Variants in LINGO2 observed in about 807,000 individuals in gnomAD.
LINGO2 encodes leucine-rich repeat and immunoglobulin-like domain-containing nogo receptor-interacting protein 2.
Under a neutral mutation model 30.6 loss-of-function variants are expected in LINGO2, and 14 were observed. The ratio of observed to expected loss-of-function variants is 0.46; its 90% CI spans 0.30 to 0.72. LINGO2 has a LOEUF of 0.72. Among genes scored for constraint, LINGO2 ranks in the 30% least tolerant of loss-of-function variants. The pLI, the probability that LINGO2 is intolerant of heterozygous loss-of-function variation, is 0.07. For synonymous variants in LINGO2, 317 were observed against 288.5 expected, an observed-to-expected ratio of 1.10 and a Z score of -1.00; for missense variants, 729 against 751.7, an observed-to-expected ratio of 0.97 and a Z score of 0.35.
intron 4 of LINGO2, among the ~76,000 whole-genome samples, chr9:28,100,207 T>C (rs1826368730): frequency 6.6e-6 from 1 of 152,174 alleles, no homozygotes; most frequent in South Asian, 2.1e-4. Context: ...CATAAAATCA[T>C]GAATAAAATC....
intron 4 of LINGO2, among the ~76,000 whole-genome samples, chr9:28,068,070 C>T (rs1825366024): frequency 6.6e-6 from 1 of 152,142 alleles, no homozygotes; most frequent in Non-Finnish European, 1.5e-5. Context: ...TCTCTGTCTT[C>T]TCTACAGTGC....
the LINGO2 span, among the ~76,000 whole-genome samples, chr9:28,852,321 CTT>C: frequency 1.3e-5 from 2 of 151,916 alleles, no homozygotes; most frequent in Non-Finnish European, 2.9e-5. Flanking sequence ...TTCATAAACT[CTT>C]AGTATTACAG....
intron 3 of LINGO2, among the ~76,000 whole-genome samples, chr9:28,318,592 T>TA (rs1179724602): frequency 2.0e-5 from 3 of 151,802 alleles, no homozygotes; most frequent in Non-Finnish European, 4.4e-5. Context: ...TTCACAACTA[T>TA]AAAAAAAACA....
At chr9:29,078,198 G>A in the LINGO2 span, among the ~76,000 whole-genome samples, 85 of 151,968 alleles carry the variant, frequency 5.6e-4, no homozygotes, top group Non-Finnish European at 9.0e-4. Context: ...GAACCTGTAG[G>A]GTAAAACCAT....
intron 1 of LINGO2, among the ~76,000 whole-genome samples, chr9:28,611,925 A>G (rs1212703679): frequency 6.6e-6 from 1 of 151,956 alleles, no homozygotes; most frequent in East Asian, 1.9e-4. Context: ...GGTTCACACC[A>G]TTCTCCTGCC....
In LINGO2 at chr9:28,526,322, A is replaced by T. The variant is rs572008655; in HGVS notation, c.-364-50297T>A. 5.7e-4 allele frequency among the ~76,000 whole-genome samples: 87 copies of T among 152,250 alleles called. 2 individuals carry two copies. Among genetic ancestry groups the T allele is most frequent in the African/African-American group, 2.0e-3 (84 of 41,542 alleles). Reference sequence around the variant, plus strand: ...ATAAACTGCTTTACAACAGATAGAAAAGCAGGTTTGCATCAGGCTTCTCAA... The same window carrying T: ...ATAAACTGCTTTACAACAGATAGAATAGCAGGTTTGCATCAGGCTTCTCAA... On this transcript the variant is annotated intron_variant, in intron 1 of 5. Transcript: ENST00000379992.
chr9:28,169,503 T>C (rs1480628317), intron 4 of LINGO2, among the ~76,000 whole-genome samples: 1 of 152,242 alleles, frequency 6.6e-6, no homozygotes, highest in African/African-American at 2.4e-5. Flanking sequence ...AGTCTAACTT[T>C]ATTCTTTAAA....
At chr9:28,589,798 C>A (rs1285943094) in intron 1 of LINGO2, among the ~76,000 whole-genome samples, 1 of 152,002 alleles carries the variant, frequency 6.6e-6, no homozygotes, top group Non-Finnish European at 1.5e-5. Flanking sequence ...TTGGAAAAAA[C>A]TACTTTAAAG....
At chr9:29,127,148 T>C in the LINGO2 span, among the ~76,000 whole-genome samples, 2 of 152,150 alleles carry the variant, frequency 1.3e-5, no homozygotes, top group Admixed American at 1.3e-4. Flanking sequence ...AGAGAGTATT[T>C]AAGCCCCAGA....
intron 5 of LINGO2, among the ~76,000 whole-genome samples, chr9:27,997,797 C>A (rs1266049427): frequency 6.6e-6 from 1 of 152,114 alleles, no homozygotes. Context: ...AAAGCAAGTT[C>A]AATGCTAATT....
intron 4 of LINGO2, among the ~76,000 whole-genome samples, chr9:28,179,448 C>CT (rs1167997071): frequency 1.5e-5 from 2 of 134,416 alleles, no homozygotes; most frequent in African/African-American, 2.8e-5. Flanking sequence ...ATATAGTATA[C>CT]ATATACTATA....
chr9:28,815,779 T>A, the LINGO2 span, among the ~76,000 whole-genome samples: 2 of 152,178 alleles, frequency 1.3e-5, no homozygotes. Flanking sequence ...AAGTGATTAA[T>A]CGCATGTTAT....
chr9:28,042,593 A>T (rs190758526), intron 4 of LINGO2, among the ~76,000 whole-genome samples: 17 of 152,298 alleles, frequency 1.1e-4, no homozygotes, highest in African/African-American at 4.1e-4. Flanking sequence ...AGAAAGGTAC[A>T]AATTCAAGAG....
chr9:28,187,468 T>A (rs1041780752), intron 4 of LINGO2, among the ~76,000 whole-genome samples: 2 of 143,324 alleles, frequency 1.4e-5, no homozygotes, highest in Non-Finnish European at 3.0e-5. Context: ...CCAACCTGAG[T>A]GACAGAGCGA....
the LINGO2 span, among the ~76,000 whole-genome samples, chr9:29,015,242 C>T: frequency 6.6e-6 from 1 of 152,246 alleles, no homozygotes; most frequent in African/African-American, 2.4e-5. Context: ...GACTTGACTT[C>T]ACCACTACAC....
At chr9:28,538,395 G>T (rs1821525554) in intron 1 of LINGO2, among the ~76,000 whole-genome samples, 1 of 151,970 alleles carries the variant, frequency 6.6e-6, no homozygotes, top group Non-Finnish European at 1.5e-5. Context: ...TTTGGAAGAG[G>T]TTGATAGAGA....
the LINGO2 span, among the ~76,000 whole-genome samples, chr9:29,005,438 C>T: frequency 6.6e-6 from 1 of 151,990 alleles, no homozygotes; most frequent in Non-Finnish European, 1.5e-5. Flanking sequence ...ATCCAAACTC[C>T]ACAGATGCTC....
intron 1 of LINGO2, among the ~76,000 whole-genome samples, chr9:28,480,199 G>T (rs2135216494): frequency 6.6e-6 from 1 of 151,702 alleles, no homozygotes; most frequent in East Asian, 1.9e-4. Context: ...CAATGGGTTA[G>T]TATGGCTCTT....
At chr9:28,725,473 A>G in the LINGO2 span, among the ~76,000 whole-genome samples, 4 of 151,892 alleles carry the variant, frequency 2.6e-5, 1 homozygote, top group Non-Finnish European at 5.9e-5. Context: ...CTTATTCACG[A>G]ATAAAAGAGA....
Sources: gnomAD v4.1 joint callset for allele counts (sites outside exome capture counted in the v4.1 genomes callset) on GRCh38, gnomAD v4.1.1 for gene constraint, MANE v1.5 for transcripts, NCBI Gene and HGNC (gene_info 2026-07-23, HGNC 2026-07-21) for gene names.